TENM3: variants seen among roughly 807,000 people sequenced by gnomAD.
TENM3 encodes the protein teneurin-3.
A neutral mutation model predicts 255.1 loss-of-function variants in TENM3; 63 were observed. The ratio of observed to expected loss-of-function variants is 0.25; its 90% CI spans 0.20 to 0.30. The LOEUF (loss-of-function observed/expected upper bound fraction) is 0.30, where lower values mean the gene tolerates loss of function less well. TENM3 is among the 10% of genes least tolerant of loss of function. The pLI, the probability that TENM3 is intolerant of heterozygous loss-of-function variation, is 1.00. For synonymous variants in TENM3, 1,306 were observed against 1,322.3 expected (o/e 0.99, Z 0.27); for missense variants, 2,929 against 3,461.1 (o/e 0.85, Z 3.86).
chr4:181,536,457 A>T, the TENM3 span, among the ~76,000 whole-genome samples: 1 of 152,208 alleles, frequency 6.6e-6, no homozygotes, highest in Non-Finnish European at 1.5e-5. Context: ...CTGTGGATTC[A>T]CATGTTCAAA....
chr4:181,651,153 C>T, the TENM3 span, among the ~76,000 whole-genome samples: 4 of 152,108 alleles, frequency 2.6e-5, no homozygotes, highest in Admixed American at 6.6e-5. Context: ...AACTTTACAA[C>T]GTCTATTGAT....
intron 1 of TENM3, among the ~76,000 whole-genome samples, chr4:182,220,940 C>T (rs1025391196): frequency 2.0e-5 from 3 of 152,148 alleles, no homozygotes; most frequent in Admixed American, 1.3e-4. Context: ...CCCCAGCATA[C>T]GAAACTAAGA....
At chr4:181,910,626 G>A in the TENM3 span, among the ~76,000 whole-genome samples, 1 of 143,994 alleles carries the variant, frequency 6.9e-6, no homozygotes. Context: ...ACGTGTGTGT[G>A]TGTATGTGTG....
At chr4:182,630,330 T>C (rs1302916733) in intron 5 of TENM3, among the ~76,000 whole-genome samples, 1 of 152,176 alleles carries the variant, frequency 6.6e-6, no homozygotes, top group African/African-American at 2.4e-5. Flanking sequence ...AGATTTCTAG[T>C]ATTCGGTTAG....
At chr4:182,779,371 C>T (rs1764983124) in intron 24 of TENM3, among the ~76,000 whole-genome samples, 1 of 152,134 alleles carries the variant, frequency 6.6e-6, no homozygotes, top group African/African-American at 2.4e-5. Flanking sequence ...ATCCATGTCC[C>T]TACAAAGGAC....
At chr4:182,310,688 A>T (rs1762389636) in intron 1 of TENM3, among the ~76,000 whole-genome samples, 1 of 150,524 alleles carries the variant, frequency 6.6e-6, no homozygotes, top group Admixed American at 6.6e-5. Context: ...TTTTTCAGGG[A>T]AATACATGAA....
chr4:181,854,255 C>T, the TENM3 span, among the ~76,000 whole-genome samples: 3 of 152,160 alleles, frequency 2.0e-5, no homozygotes, highest in Non-Finnish European at 2.9e-5. Context: ...TGGTATAGTA[C>T]AGCTCTTGGT....
At chr4:182,292,384 T>G (rs1021772429) in intron 1 of TENM3, among the ~76,000 whole-genome samples, 1 of 152,216 alleles carries the variant, frequency 6.6e-6, no homozygotes, top group Non-Finnish European at 1.5e-5. Context: ...TGGTAATAGA[T>G]TGCTTGTCTC....
the TENM3 span, among the ~76,000 whole-genome samples, chr4:181,516,652 T>A: frequency 6.6e-6 from 1 of 151,996 alleles, no homozygotes; most frequent in Non-Finnish European, 1.5e-5. Flanking sequence ...GGCACATGCC[T>A]GTTATCCCAG....
intron 3 of TENM3, among the ~76,000 whole-genome samples, chr4:182,560,102 A>G (rs1269793139): frequency 6.6e-6 from 1 of 151,498 alleles, no homozygotes; most frequent in Non-Finnish European, 1.5e-5. Flanking sequence ...TTTTAAAAAA[A>G]GAGTAACTAT....
At chr4:181,799,904 G>A in the TENM3 span, among the ~76,000 whole-genome samples, 1 of 152,144 alleles carries the variant, frequency 6.6e-6, no homozygotes, top group Non-Finnish European at 1.5e-5. Context: ...GAATTCAAAA[G>A]CCCTCGGGAG....
At chr4:182,290,437 A>G (rs781591050) in intron 1 of TENM3, among the ~76,000 whole-genome samples, 4 of 152,216 alleles carry the variant, frequency 2.6e-5, no homozygotes, top group Non-Finnish European at 5.9e-5. Flanking sequence ...TAGATGTAAT[A>G]TGGTCATCAA....
At chr4:181,541,210 CAAAAAA>C in the TENM3 span, among the ~76,000 whole-genome samples, 1 of 151,796 alleles carries the variant, frequency 6.6e-6, no homozygotes, top group Non-Finnish European at 1.5e-5. Flanking sequence ...TCTCTCTCTA[CAAAAAA>C]TAAAAATTAA....
chr4:182,106,778 A>T, the TENM3 span, among the ~76,000 whole-genome samples: 1 of 152,172 alleles, frequency 6.6e-6, no homozygotes, highest in African/African-American at 2.4e-5. Flanking sequence ...TAGTGTTAGT[A>T]TTCATATTGG....
the TENM3 span, among the ~76,000 whole-genome samples, chr4:181,748,870 T>C: frequency 6.6e-6 from 1 of 152,108 alleles, no homozygotes; most frequent in Non-Finnish European, 1.5e-5. Flanking sequence ...GCATAAATTA[T>C]TATGCTGTAA....
intron 5 of TENM3, among the ~76,000 whole-genome samples, chr4:182,642,369 C>G (rs992458185): frequency 6.6e-6 from 1 of 152,196 alleles, no homozygotes; most frequent in Non-Finnish European, 1.5e-5. Context: ...TCAAAGGCAG[C>G]TCTGGAATTA....
intron 3 of TENM3, among the ~76,000 whole-genome samples, chr4:182,424,618 T>A (rs1771071872): frequency 6.6e-6 from 1 of 152,116 alleles, no homozygotes; most frequent in Non-Finnish European, 1.5e-5. Context: ...TTTAAAGAAA[T>A]AATGCATGGA....
rs192476574 is a variant in TENM3 at position 182,155,277 on chromosome 4, C to G, written c.-76+10523C>G. ...AGTTTTAAAAGAGTAGTAAAGTTCA[C>G]TATAAAAATTGCAAAGTGAGGGAAT... On this transcript the variant is annotated intron_variant, in intron 1 of 2. Coordinates refer to the TENM3 transcript ENST00000512480. Among the ~76,000 whole-genome samples, 976 of 152,162 alleles carry G rather than the reference C, an allele frequency of 6.4e-3. 13 individuals are homozygous for G. Among genetic ancestry groups the G allele is most frequent in the African/African-American group, 0.022 (928 of 41,526 alleles).
chr4:181,605,577 A>AG, the TENM3 span, among the ~76,000 whole-genome samples: 15 of 29,282 alleles, frequency 5.1e-4, 1 homozygote, highest in East Asian at 3.6e-3. Flanking sequence ...AAAGAGAGAG[A>AG]AAGAAAGGAA....
Sources: gnomAD v4.1 joint callset for allele counts (sites outside exome capture counted in the v4.1 genomes callset) on GRCh38, gnomAD v4.1.1 for gene constraint, MANE v1.5 for transcripts, NCBI Gene and HGNC (gene_info 2026-07-23, HGNC 2026-07-21) for gene names.